The following COL25A1 variants were observed in gnomAD, a reference collection of about 807,000 sequenced individuals.
The protein encoded by COL25A1 is collagen alpha-1(XXV) chain.
A neutral mutation model predicts 128.4 loss-of-function variants in COL25A1; 103 were observed. The observed-to-expected ratio is 0.80, with a 90% confidence interval of 0.68 to 0.94. The LOEUF (loss-of-function observed/expected upper bound fraction) is 0.94. Among genes scored for constraint, COL25A1 ranks in the 40% least tolerant of loss-of-function variants. COL25A1 has a pLI of 0.00. For missense variants in COL25A1, 745 were observed against 840.0 expected, an observed-to-expected ratio of 0.89 and a Z score of 1.40; for synonymous variants, 279 against 277.2, an observed-to-expected ratio of 1.01 and a Z score of -0.06.
At chr4:109,170,962 T>C (rs1307381999) in intron 3 of COL25A1, among the ~76,000 whole-genome samples, 1 of 152,148 alleles carries the variant, frequency 6.6e-6, no homozygotes, top group Non-Finnish European at 1.5e-5. Context: ...GTAGAGGCAC[T>C]TCCCACAGGA....
Position 109,076,856 on chromosome 4 carries a change from C to T in COL25A1, c.368-26677G>A, listed in dbSNP as rs540675860. ...ACAGTTCACAATAGGATTCATGCTC[C>T]TATGAGAATCTAATGCCATTGCTGA... On this transcript the variant is annotated intron_variant, in intron 3 of 37. Coordinates refer to ENST00000399132, the MANE Select transcript of COL25A1 (RefSeq NM_198721.4). 3.9e-5 allele frequency among the ~76,000 whole-genome samples: 6 copies of T among 152,176 alleles called. No individual in the cohort carries two copies. The South Asian group carries it at 1.2e-3, about 32-fold the overall frequency.
chr4:109,139,163 C>G (rs1028327262), intron 3 of COL25A1, among the ~76,000 whole-genome samples: 2 of 151,460 alleles, frequency 1.3e-5, no homozygotes, highest in African/African-American at 4.8e-5. Context: ...CCTTTGCCCA[C>G]TTTTTGAAGG....
At chr4:109,222,059 C>CTTTTTTTTTTTT (rs3041336) in intron 3 of COL25A1, among the ~76,000 whole-genome samples, 2 of 85,754 alleles carry the variant, frequency 2.3e-5, no homozygotes, top group African/African-American at 5.2e-5. Flanking sequence ...TAAATAACTT[C>CTTTTTTTTTTTT]TTTTTTTTTT....
chr4:108,817,267 T>C (rs1215440054), intron 37 of COL25A1, 130 bp downstream of exon 37: 2 of 810,112 alleles, frequency 2.5e-6, no homozygotes, highest in East Asian at 2.5e-5. Context: ...AATATACTGA[T>C]CAAAAGATAT....
intron 3 of COL25A1, among the ~76,000 whole-genome samples, chr4:109,276,636 G>A (rs560430623): frequency 5.9e-5 from 9 of 152,154 alleles, no homozygotes; most frequent in South Asian, 2.1e-4. Flanking sequence ...GGGTTTTAGC[G>A]GCTGGTGTCA....
chr4:108,908,389 G>A (rs753823794), intron 13 of COL25A1, among the ~76,000 whole-genome samples: 21 of 151,928 alleles, frequency 1.4e-4, no homozygotes, highest in Non-Finnish European at 2.5e-4. Context: ...CTAGGAAATC[G>A]GCTTCTCTCT....
At chr4:109,213,165 T>C (rs1322688833) in intron 3 of COL25A1, among the ~76,000 whole-genome samples, 3 of 152,174 alleles carry the variant, frequency 2.0e-5, no homozygotes, top group Non-Finnish European at 4.4e-5. Flanking sequence ...TGGTATCTAT[T>C]GACTTGCTTC....
intron 3 of COL25A1, among the ~76,000 whole-genome samples, chr4:109,117,945 A>G (rs76694378): frequency 0.032 from 4,897 of 151,964 alleles, 141 homozygotes; most frequent in South Asian, 0.12. Context: ...CTGATGTGCT[A>G]AAAAAGGAAG....
At chr4:108,940,505 C>T (rs1448959811) in intron 10 of COL25A1, 34 bp downstream of exon 10, 6 of 1,558,606 alleles carry the variant, frequency 3.8e-6, no homozygotes, top group Non-Finnish European at 5.3e-6. Context: ...TGAAGCAAAA[C>T]GTGTGAGAAT....
intron 3 of COL25A1, among the ~76,000 whole-genome samples, chr4:109,137,139 T>C (rs775186483): frequency 4.6e-5 from 7 of 152,206 alleles, no homozygotes; most frequent in Admixed American, 1.3e-4. Flanking sequence ...AAAACAGCAA[T>C]AGATTGCTAA....
chr4:109,069,976 T>TG (rs1762777924), intron 3 of COL25A1, among the ~76,000 whole-genome samples: 1 of 151,722 alleles, frequency 6.6e-6, no homozygotes, highest in African/African-American at 2.4e-5. Flanking sequence ...TAATTTTTTT[T>TG]TTTTTTTTAA....
chr4:108,974,676 G>C, intron 6 of COL25A1, 117 bp from the exon 7 acceptor site: 2 of 833,882 alleles, frequency 2.4e-6, no homozygotes, highest in East Asian at 5.4e-5. Context: ...TGTCAATGAG[G>C]TTTCTCAAGA....
intron 18 of COL25A1, among the ~76,000 whole-genome samples, chr4:108,884,806 C>A (rs966592620): frequency 6.6e-6 from 1 of 152,186 alleles, no homozygotes; most frequent in Non-Finnish European, 1.5e-5. Context: ...TGAGTCTGAG[C>A]AACCCTGCTT....
chr4:108,823,275 T>A lies in COL25A1; in HGVS notation c.1845+899A>T, dbSNP rs78752324. Among the ~76,000 whole-genome samples, 502 of 152,272 alleles carry A rather than the reference T, an allele frequency of 3.3e-3. 2 individuals carry two copies. The highest frequency in any genetic ancestry group is 5.4e-3 in the Non-Finnish European group (369 of 68,020). Reference sequence around the variant, plus strand: ...CACTGTTCTATTGAGGGATTGAGTTTTTGATGGCTTCTTTTGTTGTGTCCA... The same window carrying A: ...CACTGTTCTATTGAGGGATTGAGTTATTGATGGCTTCTTTTGTTGTGTCCA... On this transcript the variant is annotated intron_variant, in intron 35 of 37. Transcript: ENST00000399132.
At chr4:109,019,665 T>A (rs201196629) in intron 5 of COL25A1, among the ~76,000 whole-genome samples, 1 of 151,972 alleles carries the variant, frequency 6.6e-6, no homozygotes, top group East Asian at 1.9e-4. Context: ...ACTGCCCCCA[T>A]AATGCAGTTA....
intron 3 of COL25A1, among the ~76,000 whole-genome samples, chr4:109,221,843 A>G (rs1275468733): frequency 2.0e-5 from 3 of 152,104 alleles, no homozygotes; most frequent in African/African-American, 7.2e-5. Flanking sequence ...AAGGACTTTC[A>G]TGCCTAAATA....
At chr4:109,020,826 T>C (rs1311110635) in intron 5 of COL25A1, among the ~76,000 whole-genome samples, 1 of 152,256 alleles carries the variant, frequency 6.6e-6, no homozygotes, top group Non-Finnish European at 1.5e-5. Context: ...TAAATTTTAT[T>C]GGATACCTAA....
At chr4:109,197,468 TATAATATATATTATATATTATATATA>T in intron 3 of COL25A1, among the ~76,000 whole-genome samples, 1 of 72,706 alleles carries the variant, frequency 1.4e-5, no homozygotes, top group Middle Eastern at 5.9e-3. Context: ...AAATATTATA[TATAATATATATTATATATTATATATA>T]AATATATATT....
At chr4:109,059,894 T>C (rs1054373520) in intron 3 of COL25A1, among the ~76,000 whole-genome samples, 4 of 152,154 alleles carry the variant, frequency 2.6e-5, no homozygotes, top group African/African-American at 9.7e-5. Flanking sequence ...GAAATAACAG[T>C]AACACTTCTG....
Sources: allele counts gnomAD v4.1 joint callset (sites outside exome capture counted in the v4.1 genomes callset), GRCh38; gene constraint gnomAD v4.1.1; transcripts MANE v1.5; gene names NCBI Gene and HGNC (gene_info 2026-07-23, HGNC 2026-07-21).